Variants in XPC observed in about 807,000 individuals in gnomAD.
XPC encodes the protein DNA repair protein complementing XP-C cells.
XPC carries 76 observed loss-of-function variants against 95.8 expected under a neutral mutation model. The observed-to-expected ratio is 0.79, with a 90% CI of 0.66 to 0.96. The LOEUF is 0.96. XPC is among the 40% of genes least tolerant of loss of function. The probability of loss-of-function intolerance (pLI) is 0.00; values close to 1 mark genes in which losing one functional copy is unlikely to be tolerated. For missense variants in XPC, 1,146 were observed against 1,179.8 expected (o/e 0.97, Z 0.42); for synonymous variants, 442 against 442.1 (o/e 1.00, Z 0.00).
At chr3:14,155,503 T>C (rs1409316947) in intron 10 of XPC, among the ~76,000 whole-genome samples, 1 of 152,194 alleles carries the variant, frequency 6.6e-6, no homozygotes, top group Admixed American at 6.5e-5. Flanking sequence ...ACTCTTTTTT[T>C]AGCTATTTCT....
Position 14,167,152 on chromosome 3 carries a change from T to A in XPC, c.621+17A>T. 1 of 1,558,094 alleles carries A rather than the reference T, an allele frequency of 6.4e-7. No individual in the cohort carries two copies. Among genetic ancestry groups the A allele is most frequent in the East Asian group, 2.4e-5 (1 of 42,108 alleles). The stretch of plus-strand genomic sequence containing the variant: ...ACCGACAAGGAAAAGTCCTTCCCCA[T>A]CATTCCTTGCCCTTACCTTGTGTGT... On this transcript the variant is annotated intron_variant, in intron 5 of 15. Coordinates refer to ENST00000285021, the MANE Select transcript of XPC (RefSeq NM_004628.5).
At chr3:14,178,225 G>A in intron 1 of XPC, 2 of 527,106 alleles carry the variant, frequency 3.8e-6, no homozygotes, top group Admixed American at 3.9e-5. Context: ...ACGGGGAGCG[G>A]GAAAAAAGCT....
chr3:14,148,482 A>G, intron 13 of XPC, 80 bp downstream of exon 13: 7 of 1,559,544 alleles, frequency 4.5e-6, no homozygotes, highest in Non-Finnish European at 6.1e-6. Context: ...CAGCAGCCCC[A>G]TGCCAGCTTT....
intron 7 of XPC, among the ~76,000 whole-genome samples, chr3:14,163,298 G>C (rs1696235424): frequency 6.6e-6 from 1 of 152,156 alleles, no homozygotes; most frequent in African/African-American, 2.4e-5. Flanking sequence ...ATAAATATAT[G>C]TATAGACATT....
chr3:14,147,510 A>T, intron 14 of XPC, 131 bp from the exon 15 acceptor site: 1 of 878,694 alleles, frequency 1.1e-6, no homozygotes, highest in Non-Finnish European at 1.7e-6. Context: ...CTTCACACCA[A>T]GTCTCACTTC....
intron 15 of XPC, 108 bp from the exon 16 acceptor site, chr3:14,146,267 T>A: frequency 9.6e-7 from 1 of 1,045,414 alleles, no homozygotes; most frequent in Non-Finnish European, 1.4e-6. Flanking sequence ...GCTGTGTAAC[T>A]CTGGGAGGAC....
chr3:14,175,494 T>C (rs1427125080), intron 1 of XPC, among the ~76,000 whole-genome samples: 2 of 152,146 alleles, frequency 1.3e-5, no homozygotes, highest in African/African-American at 4.8e-5. Flanking sequence ...CCCCAGATTA[T>C]AATCATGAGA....
intron 10 of XPC, among the ~76,000 whole-genome samples, chr3:14,154,920 C>T (rs893788057): frequency 6.6e-6 from 1 of 151,878 alleles, no homozygotes; most frequent in South Asian, 2.1e-4. Flanking sequence ...TAAATATGCA[C>T]CTCTAATGCT....
intron 15 of XPC, 127 bp downstream of exon 15, chr3:14,147,163 T>G: frequency 2.1e-6 from 2 of 968,978 alleles, no homozygotes; most frequent in Non-Finnish European, 3.1e-6. Context: ...GACAGAAGAC[T>G]GAGGTGTCCT....
intron 10 of XPC, among the ~76,000 whole-genome samples, chr3:14,154,836 A>C: frequency 4.3e-5 from 1 of 23,014 alleles, no homozygotes; most frequent in South Asian, 1.5e-3. Flanking sequence ...ATATATAAAT[A>C]TATATAATTT....
At chr3:14,172,749 A>T in intron 2 of XPC, 118 bp downstream of exon 2, 1 of 1,207,364 alleles carries the variant, frequency 8.3e-7, no homozygotes, top group African/African-American at 1.5e-5. Context: ...ACCTAGAAGA[A>T]TTTAAAGATC....
At position 14,158,340 on chromosome 3, in the gene XPC, T is replaced by C; in HGVS notation, c.1543A>G (p.Ser515Gly). The C allele has an allele frequency of 1.9e-6, 3 of 1,614,008 alleles. No individual in the cohort carries two copies. Among genetic ancestry groups the C allele is most frequent in the East Asian group, 4.5e-5 (2 of 44,872 alleles). ...SSSKRGKKMC[S>G]DGEKAEKRSI... is the part of the protein sequence containing the mutation. ...CTTTTTTCTGCCTTCTCACCATCGC[T>C]GCACATTTTCTTGCCTCTTTTACTG... Residue 515 changes from serine (S) to glycine (G), a missense_variant, in exon 9 of 16, where the codon AGC (serine) becomes GGC (glycine). Transcript: ENST00000285021. The surrounding 1 kb of genome is among the most constrained non-coding windows in gnomAD (Gnocchi z 5.2).
chr3:14,178,105 G>C (rs889984486), intron 1 of XPC, among the ~76,000 whole-genome samples: 2 of 152,204 alleles, frequency 1.3e-5, no homozygotes, highest in African/African-American at 4.8e-5. Context: ...TTATCATTCG[G>C]GAGTCAGCAC....
intron 7 of XPC, among the ~76,000 whole-genome samples, chr3:14,164,027 C>T (rs765950391): frequency 2.5e-4 from 38 of 152,116 alleles, no homozygotes; most frequent in Non-Finnish European, 1.3e-4. Flanking sequence ...CCAGCCTAGG[C>T]GGCAGAGAGA....
chr3:14,153,809 C>T (rs1260209181), intron 10 of XPC, among the ~76,000 whole-genome samples: 3 of 152,190 alleles, frequency 2.0e-5, no homozygotes, highest in East Asian at 1.9e-4. Flanking sequence ...CCCTTTCTAC[C>T]GCACATGGTT....
At chr3:14,163,360 G>T (rs1696238510) in intron 7 of XPC, among the ~76,000 whole-genome samples, 1 of 152,184 alleles carries the variant, frequency 6.6e-6, no homozygotes, top group Admixed American at 6.5e-5. Context: ...CTAAATGTCT[G>T]CCAATGGATA....
rs1381675261 is a variant in XPC, at chr3:14,148,618, G to A, written c.2364C>T (p.Ile788=). The A allele has an allele frequency of 4.3e-6, 7 of 1,614,000 alleles. No homozygotes were observed. Among genetic ancestry groups the A allele is most frequent in the East Asian group, 2.2e-5 (1 of 44,872 alleles). The change falls in exon 13 of 16, where the codon ATC becomes ATT. Residue 788 remains isoleucine (I), a synonymous_variant. Coordinates refer to ENST00000285021, the MANE Select transcript of XPC (RefSeq NM_004628.5). ...AGCCAGTGATGGCCTGGACACAGTC[G>A]ATGTCCAGCTTGCGGGCCACGCGGT... ...NLHRVARKLD[I]DCVQAITGFD...
Position 14,170,628 on chromosome 3 carries a change from A to T in XPC, c.300-78T>A, listed in dbSNP as rs1019626219. 8 of 1,068,768 alleles carry T rather than the reference A, an allele frequency of 7.5e-6. No homozygotes were observed. In the African/African-American group the frequency reaches 1.1e-4, roughly 15 times the overall value. The allele number at this position is 1,068,768 out of a possible 1,614,324, so 66.2% of individuals were successfully genotyped here. A position where few individuals can be genotyped will look rare whatever the true frequency, so the allele number is the denominator to read the frequency against. ...TCCATTCAAGCTAAATGGAATTTTTAAAACCCCTCCTATTTATTGAGAATC... is the reference window on the plus strand; with the variant it reads ...TCCATTCAAGCTAAATGGAATTTTTTAAACCCCTCCTATTTATTGAGAATC... On this transcript the variant is annotated intron_variant, in intron 2 of 15. Transcript: ENST00000285021.
rs1367666247 is a variant in XPC, at chr3:14,178,483, C to A, written c.86G>T (p.Arg29Leu). 3 of 1,611,138 alleles carry A rather than the reference C, an allele frequency of 1.9e-6. No homozygotes were observed. The highest frequency in any genetic ancestry group is 1.7e-5 in the Admixed American group (1 of 59,930). The change falls in exon 1 of 16, where the codon CGT becomes CTT. Residue 29 changes from arginine to leucine, a missense_variant. By Grantham distance (102) the Arg-to-Leu change is moderately radical. Transcript: ENST00000285021. Reference sequence around the variant, plus strand: ...GCTCTCACCCTCCTCCTCCTCCTCACGCCGGGCCTTGCTCTTGGCCTTGGA... The same window carrying A: ...GCTCTCACCCTCCTCCTCCTCCTCAAGCCGGGCCTTGCTCTTGGCCTTGGA... Reference protein sequence around the residue: ...QKSKAKSKARREEEEEDAFED... With the variant: ...QKSKAKSKARLEEEEEDAFED...
Sources: gnomAD v4.1 joint callset for allele counts (sites outside exome capture counted in the v4.1 genomes callset) on GRCh38, gnomAD v4.1.1 for gene constraint, Gnocchi (gnomAD v3.1) non-coding constraint, MANE v1.5 for transcripts, NCBI Gene and HGNC (gene_info 2026-07-23, HGNC 2026-07-21) for gene names.